ARHGAP24: variants seen among roughly 807,000 people sequenced by gnomAD.
ARHGAP24 encodes Rho GTPase activating protein 24.
A neutral mutation model predicts 76.4 loss-of-function variants in ARHGAP24; 50 were observed. The ratio of observed to expected loss-of-function variants is 0.65; its 90% confidence interval spans 0.52 to 0.83. ARHGAP24 has a LOEUF of 0.83. ARHGAP24 is among the 40% of genes least tolerant of loss of function. The pLI is 0.00. For missense variants in ARHGAP24, 930 were observed against 914.2 expected (o/e 1.02, Z -0.22); for synonymous variants, 345 against 323.3 (o/e 1.07, Z -0.72).
intron 2 of ARHGAP24, among the ~76,000 whole-genome samples, chr4:85,572,250 C>G (rs2109964889): frequency 6.6e-6 from 1 of 152,090 alleles, no homozygotes; most frequent in African/African-American, 2.4e-5. Context: ...AGAAAGGAAC[C>G]AGGTTAATGT....
intron 2 of ARHGAP24, among the ~76,000 whole-genome samples, chr4:85,720,910 G>A (rs989863048): frequency 2.0e-5 from 3 of 152,168 alleles, no homozygotes; most frequent in African/African-American, 7.2e-5. Flanking sequence ...CAGCTTGTGA[G>A]TCATGTAAGT....
intron 1 of ARHGAP24, among the ~76,000 whole-genome samples, chr4:85,495,607 C>T (rs1240646750): frequency 1.3e-5 from 2 of 151,992 alleles, no homozygotes; most frequent in African/African-American, 4.8e-5. Flanking sequence ...CCGCCTCGGC[C>T]GCCCAAAGTG....
In ARHGAP24 at chr4:85,526,732, T is replaced by C. The variant is rs13434500; in HGVS notation, c.-20-43790T>C. Reference sequence around the variant, plus strand: ...TAGCCACTGAAATTCTGAAAGCAAATACAACTTCAATTATTGAATACCTGA... The same window carrying C: ...TAGCCACTGAAATTCTGAAAGCAAACACAACTTCAATTATTGAATACCTGA... On this transcript the variant is annotated intron_variant, in intron 1 of 9. Transcript: ENST00000395184. Among the ~76,000 whole-genome samples, 609 of 152,274 alleles carry C rather than the reference T, an allele frequency of 4.0e-3. 3 individuals carry two copies. Among genetic ancestry groups the C allele is most frequent in the African/African-American group, 0.014 (570 of 41,564 alleles).
intron 3 of ARHGAP24, chr4:85,723,485 C>G (rs1158464390): frequency 6.6e-6 from 1 of 152,194 alleles, no homozygotes; most frequent in Non-Finnish European, 1.5e-5. Flanking sequence ...GACATAATGG[C>G]TTTTGATGAA....
At chr4:85,633,145 C>G (rs1421986893) in intron 2 of ARHGAP24, among the ~76,000 whole-genome samples, 1 of 151,850 alleles carries the variant, frequency 6.6e-6, no homozygotes, top group Non-Finnish European at 1.5e-5. Flanking sequence ...CTCATATTAA[C>G]AGTTCATCTG....
At chr4:85,588,939 T>C (rs1247915788) in intron 2 of ARHGAP24, among the ~76,000 whole-genome samples, 2 of 152,212 alleles carry the variant, frequency 1.3e-5, no homozygotes, top group Admixed American at 6.5e-5. Context: ...TGGAGAAGCA[T>C]AAAAAGTTGG....
intron 4 of ARHGAP24, chr4:85,930,699 A>G: frequency 8.2e-7 from 1 of 1,219,114 alleles, no homozygotes; most frequent in Non-Finnish European, 1.0e-6. Flanking sequence ...AAAACCTTAA[A>G]AACTCCCTGG....
intron 3 of ARHGAP24, among the ~76,000 whole-genome samples, chr4:85,808,108 G>A (rs1192555978): frequency 6.6e-6 from 1 of 152,040 alleles, no homozygotes; most frequent in East Asian, 1.9e-4. Flanking sequence ...GAGACCAGAT[G>A]TTTCAGCATT....
intron 1 of ARHGAP24, among the ~76,000 whole-genome samples, chr4:85,482,945 C>T (rs567101731): frequency 4.6e-5 from 7 of 152,186 alleles, no homozygotes; most frequent in African/African-American, 1.7e-4. Context: ...TGGAATTAGA[C>T]CTACATTCTA....
At chr4:85,643,234 G>GTTTTTTTTTTTTTTTTT in intron 2 of ARHGAP24, among the ~76,000 whole-genome samples, 1 of 54,630 alleles carries the variant, frequency 1.8e-5, no homozygotes. Context: ...GTTTTTTTGT[G>GTTTTTTTTTTTTTTTTT]TTTTTTTTTT....
At chr4:85,947,560 C>T (rs1737357843) in intron 5 of ARHGAP24, among the ~76,000 whole-genome samples, 1 of 152,174 alleles carries the variant, frequency 6.6e-6, no homozygotes, top group African/African-American at 2.4e-5. Context: ...GACCATAGTA[C>T]ATACCAAGTG....
At chr4:85,628,743 C>A (rs1273939339) in intron 2 of ARHGAP24, among the ~76,000 whole-genome samples, 1 of 152,102 alleles carries the variant, frequency 6.6e-6, no homozygotes, top group African/African-American at 2.4e-5. Context: ...CCTATAATGA[C>A]CTTCTTTGTT....
At chr4:85,485,058 C>T (rs1409359296) in intron 1 of ARHGAP24, among the ~76,000 whole-genome samples, 3 of 151,482 alleles carry the variant, frequency 2.0e-5, no homozygotes, top group Admixed American at 1.3e-4. Flanking sequence ...AAAATATTGA[C>T]CTGGGGCCAG....
chr4:85,903,676 G>T (rs1448209983), intron 3 of ARHGAP24, among the ~76,000 whole-genome samples: 1 of 151,948 alleles, frequency 6.6e-6, no homozygotes, highest in Non-Finnish European at 1.5e-5. Flanking sequence ...ATATTATTTT[G>T]TAGGCTATAT....
At chr4:85,750,800 A>G (rs1726233406) in intron 3 of ARHGAP24, among the ~76,000 whole-genome samples, 1 of 152,076 alleles carries the variant, frequency 6.6e-6, no homozygotes, top group Non-Finnish European at 1.5e-5. Context: ...GCCTGGCACC[A>G]TTCATTCCTT....
chr4:85,691,198 G>A (rs147330729), intron 2 of ARHGAP24, among the ~76,000 whole-genome samples: 9 of 151,976 alleles, frequency 5.9e-5, no homozygotes, highest in African/African-American at 1.9e-4. Context: ...ATTGTACCAT[G>A]GCCTGAGAGT....
At chr4:85,549,321 TGTCA>T (rs1173480185) in intron 1 of ARHGAP24, among the ~76,000 whole-genome samples, 1 of 151,250 alleles carries the variant, frequency 6.6e-6, no homozygotes, top group Non-Finnish European at 1.5e-5. Context: ...CATTTGGTAT[TGTCA>T]GTCTTTTTAA....
chr4:85,909,060 C>G (rs1402103464), intron 3 of ARHGAP24, among the ~76,000 whole-genome samples: 1 of 152,124 alleles, frequency 6.6e-6, no homozygotes, highest in African/African-American at 2.4e-5. Context: ...TTGGGTTTTA[C>G]TTAATTCAGC....
chr4:85,643,234 G>GTTTTTTTTTTTT (rs70948741), intron 2 of ARHGAP24, among the ~76,000 whole-genome samples: 2 of 54,628 alleles, frequency 3.7e-5, no homozygotes, highest in Non-Finnish European at 3.3e-5. Flanking sequence ...GTTTTTTTGT[G>GTTTTTTTTTTTT]TTTTTTTTTT....
Sources: allele counts gnomAD v4.1 joint callset (sites outside exome capture counted in the v4.1 genomes callset), GRCh38; gene constraint gnomAD v4.1.1; transcripts MANE v1.5; gene names NCBI Gene and HGNC (gene_info 2026-07-23, HGNC 2026-07-21).